OXR1: variants seen among roughly 807,000 people sequenced by gnomAD.
The protein encoded by OXR1 is oxidation resistance 1, also known as oxidation resistance protein 1.
Under a neutral mutation model 104.6 loss-of-function variants are expected in OXR1, and 41 were observed. The ratio of observed to expected loss-of-function variants is 0.39; its 90% confidence interval spans 0.31 to 0.51. The LOEUF (loss-of-function observed/expected upper bound fraction) is 0.51, where lower values mean the gene tolerates loss of function less well. OXR1 is among the 20% of genes least tolerant of loss of function. The pLI, the probability that OXR1 is intolerant of heterozygous loss-of-function variation, is 0.77. For missense variants in OXR1, 955 were observed against 1,031.9 expected (o/e 0.93, Z 1.02); for synonymous variants, 348 against 348.4 (o/e 1.00, Z 0.01).
intron 2 of OXR1, among the ~76,000 whole-genome samples, chr8:106,402,392 TCA>T (rs1818036385): frequency 2.6e-5 from 4 of 152,316 alleles, no homozygotes; most frequent in African/African-American, 9.6e-5. Context: ...GATCCTGACT[TCA>T]CAGGTTAGGA....
intron 2 of OXR1, among the ~76,000 whole-genome samples, chr8:106,507,711 A>G (rs1812263572): frequency 6.6e-6 from 1 of 152,216 alleles, no homozygotes; most frequent in Non-Finnish European, 1.5e-5. Context: ...GCTGGCAGGA[A>G]TAAGTGAGCA....
intron 1 of OXR1, among the ~76,000 whole-genome samples, chr8:106,285,789 CA>C (rs900900624): frequency 1.3e-5 from 2 of 150,820 alleles, no homozygotes; most frequent in Admixed American, 6.6e-5. Flanking sequence ...ACGACGTCAA[CA>C]AGAGCCTTAG....
intron 3 of OXR1, among the ~76,000 whole-genome samples, chr8:106,593,437 A>G (rs1446413169): frequency 6.6e-6 from 1 of 152,256 alleles, no homozygotes; most frequent in African/African-American, 2.4e-5. Context: ...ATCTAGCAAT[A>G]GAAGTATACA....
At chr8:106,624,833 C>A (rs1160392553) in intron 3 of OXR1, among the ~76,000 whole-genome samples, 1 of 152,072 alleles carries the variant, frequency 6.6e-6, no homozygotes, top group East Asian at 1.9e-4. Flanking sequence ...ACTCTGTTGC[C>A]GGGCTGGAGT....
intron 1 of OXR1, among the ~76,000 whole-genome samples, chr8:106,295,695 A>AATTTGTG (rs777144089): frequency 1.2e-4 from 18 of 152,170 alleles, no homozygotes; most frequent in Non-Finnish European, 2.4e-4. Context: ...AACAAATCAC[A>AATTTGTG]ATTTGTGAAG....
At chr8:106,607,213 T>C (rs2130782142) in intron 3 of OXR1, among the ~76,000 whole-genome samples, 1 of 152,318 alleles carries the variant, frequency 6.6e-6, no homozygotes, top group South Asian at 2.1e-4. Flanking sequence ...GAAGCGGAAC[T>C]TGAATGCCAG....
At chr8:106,538,056 A>G (rs878882989) in intron 3 of OXR1, among the ~76,000 whole-genome samples, 4 of 152,200 alleles carry the variant, frequency 2.6e-5, no homozygotes, top group Non-Finnish European at 5.9e-5. Context: ...TCCTGGCTGA[A>G]TTAGGCATAA....
intron 2 of OXR1, among the ~76,000 whole-genome samples, chr8:106,502,738 A>G (rs989442947): frequency 6.6e-5 from 10 of 152,182 alleles, no homozygotes; most frequent in African/African-American, 2.2e-4. Flanking sequence ...TTTCAGCTCA[A>G]TGCTTCTTGG....
chr8:106,747,481 A>G (rs962544929), intron 16 of OXR1, among the ~76,000 whole-genome samples: 6 of 152,216 alleles, frequency 3.9e-5, no homozygotes, highest in African/African-American at 1.4e-4. Context: ...GCTATAAGAC[A>G]TTAATTAAAG....
chr8:106,588,083 C>T (rs1343702407), intron 3 of OXR1, among the ~76,000 whole-genome samples: 1 of 151,952 alleles, frequency 6.6e-6, no homozygotes, highest in Non-Finnish European at 1.5e-5. Flanking sequence ...TCCCAAGTAG[C>T]TGGGACTACA....
intron 2 of OXR1, among the ~76,000 whole-genome samples, chr8:106,437,873 G>T (rs1819641463): frequency 6.6e-6 from 1 of 152,152 alleles, no homozygotes; most frequent in South Asian, 2.1e-4. Flanking sequence ...CTAGGAATTT[G>T]TTGTCATCCC....
At chr8:106,300,189 C>G (rs778979720) in intron 1 of OXR1, among the ~76,000 whole-genome samples, 3 of 152,064 alleles carry the variant, frequency 2.0e-5, no homozygotes, top group Admixed American at 2.0e-4. Flanking sequence ...GTCAATCTTC[C>G]TGAACTTCTG....
chr8:106,529,292 TTTGA>T (rs368461507), intron 3 of OXR1, among the ~76,000 whole-genome samples: 31 of 152,328 alleles, frequency 2.0e-4, no homozygotes, highest in African/African-American at 7.0e-4. Context: ...GGGGGCGATA[TTTGA>T]TTGGGATTTT....
chr8:106,404,945 T>A (rs919629677), intron 2 of OXR1, among the ~76,000 whole-genome samples: 1 of 151,960 alleles, frequency 6.6e-6, no homozygotes, highest in African/African-American at 2.4e-5. Context: ...GACCTAGGGA[T>A]CCACCCGCGT....
At chr8:106,715,972 C>T (rs1322057051) in intron 11 of OXR1, among the ~76,000 whole-genome samples, 1 of 152,198 alleles carries the variant, frequency 6.6e-6, no homozygotes, top group Non-Finnish European at 1.5e-5. Flanking sequence ...TATAGCAGCA[C>T]TAGCCATATG....
At chr8:106,334,140 C>A (rs1236972136) in intron 1 of OXR1, among the ~76,000 whole-genome samples, 1 of 152,148 alleles carries the variant, frequency 6.6e-6, no homozygotes, top group African/African-American at 2.4e-5. Flanking sequence ...TTTCTTTCAA[C>A]AATGTTTTAT....
In OXR1 at chr8:106,706,815, G is replaced by C. The variant is rs748995600; in HGVS notation, c.1294G>C (p.Gly432Arg). ...KEDQIADNFQGISGPKEDSTS... is the reference protein window; with the variant it reads ...KEDQIADNFQRISGPKEDSTS... ...AGATCAGATTGCAGATAACTTTCAA[G>C]GAATATCAGGTCCTAAAGAAGACAG... Residue 432 changes from glycine (G) to arginine (R), a missense_variant, in exon 9 of 17, where the codon GGA becomes CGA. Transcript: ENST00000517566. The C allele has an allele frequency of 4.1e-5, 66 of 1,612,228 alleles. No homozygotes were observed. Among genetic ancestry groups the C allele is most frequent in the Non-Finnish European group, 5.2e-5 (61 of 1,179,558 alleles).
intron 1 of OXR1, among the ~76,000 whole-genome samples, chr8:106,328,721 G>T (rs1267261986): frequency 1.3e-5 from 2 of 152,120 alleles, no homozygotes; most frequent in Admixed American, 1.3e-4. Flanking sequence ...AAACCCTTGA[G>T]CAGGAATAGT....
chr8:106,746,983 A>T lies in OXR1; in HGVS notation c.2486+1121A>T, dbSNP rs939788527. ...AGATTTTATTGTACAACATGATTTC[A>T]CCAAGCTAGAGTAACCACTGGGTTA... is the stretch of plus-strand genomic sequence containing the variant. On this transcript the variant is annotated intron_variant, in intron 16 of 16. Transcript: ENST00000517566. 3.3e-5 allele frequency among the ~76,000 whole-genome samples: 5 copies of T among 152,284 alleles called. 1 individual carries two copies. The South Asian group carries it at 1.0e-3, about 32-fold the overall frequency.
Sources: allele counts gnomAD v4.1 joint callset (sites outside exome capture counted in the v4.1 genomes callset), GRCh38; gene constraint gnomAD v4.1.1; transcripts MANE v1.5; gene names NCBI Gene and HGNC (gene_info 2026-07-23, HGNC 2026-07-21).